The following PDE10A variants were observed in gnomAD, a reference collection of about 807,000 sequenced individuals.
PDE10A encodes the protein phosphodiesterase 10A.
In PDE10A, 39 loss-of-function variants were observed where a neutral mutation model predicts 97.7. That is an observed-to-expected ratio of 0.40 (90% confidence interval 0.31 to 0.52). The LOEUF is 0.52. PDE10A is among the 20% of genes least tolerant of loss of function. PDE10A has a pLI of 0.56. For missense variants in PDE10A, 731 were observed against 1,047.8 expected, an observed-to-expected ratio of 0.70 and a Z score of 4.17; for synonymous variants, 371 against 376.8, an observed-to-expected ratio of 0.98 and a Z score of 0.18.
intron 1 of PDE10A, among the ~76,000 whole-genome samples, chr6:165,607,697 T>C (rs751450864): frequency 4.6e-5 from 7 of 152,220 alleles, no homozygotes; most frequent in Non-Finnish European, 1.0e-4. Flanking sequence ...TAGAGTTTCA[T>C]GTATGTGAAA....
rs149778399 is a variant in PDE10A at position 165,636,825 on chromosome 6, T to G, written c.865+25122A>C. 1.1e-3 allele frequency among the ~76,000 whole-genome samples: 172 copies of G among 152,318 alleles called. 4 individuals carry two copies. In the East Asian group the frequency reaches 0.016, roughly 14 times the overall value. On this transcript the variant is annotated intron_variant, in intron 1 of 21. Transcript: ENST00000539869. Reference sequence around the variant, plus strand: ...CCATCTGCTGTAGAAATGCTCTGCCTAGGTCCAGCCACCCCTCACCTCGGA... The same window carrying G: ...CCATCTGCTGTAGAAATGCTCTGCCGAGGTCCAGCCACCCCTCACCTCGGA...
chr6:165,621,771 A>AGAAGAAGAAG (rs1554297070), intron 1 of PDE10A, among the ~76,000 whole-genome samples: 94 of 134,760 alleles, frequency 7.0e-4, no homozygotes, highest in East Asian at 6.0e-3. Context: ...AAGAAAAAAA[A>AGAAGAAGAAG]AAGAAGAAGA....
chr6:165,332,759 G>T lies in PDE10A; in HGVS notation c.*266C>A, dbSNP rs1251100077. The T allele has an allele frequency of 4.5e-6, 2 of 448,296 alleles. No homozygotes were observed. The highest frequency in any genetic ancestry group is 1.2e-3 in the Middle Eastern group (2 of 1,706). 27.8% of individuals were successfully genotyped at this position (448,296 alleles called of 1,614,324 possible). A position where few individuals can be genotyped will look rare whatever the true frequency, so the allele number is the denominator to read the frequency against. On this transcript the variant is annotated 3_prime_UTR_variant, in exon 22 of 22. Coordinates refer to ENST00000539869, the MANE Select transcript of PDE10A (RefSeq NM_001385079.1). ...CAATATTAGCCTATTAGAAAAGGCT[G>T]GTTTGCAAGTCAAATGGAGTCACTT...
intron 4 of PDE10A, among the ~76,000 whole-genome samples, 190 bp from the exon 5 acceptor site, chr6:165,449,167 T>A (rs1791090173): frequency 2.0e-5 from 3 of 152,316 alleles, no homozygotes; most frequent in Non-Finnish European, 4.4e-5. Flanking sequence ...TCCTCTACAT[T>A]TTTCATCAGT....
At chr6:165,851,878 G>A (rs1020910744) in intron 1 of PDE10A, among the ~76,000 whole-genome samples, 1 of 151,930 alleles carries the variant, frequency 6.6e-6, no homozygotes, top group African/African-American at 2.4e-5. Flanking sequence ...ATTGCTTCAG[G>A]CCAAGAGTTC....
chr6:165,791,406 C>T (rs1013522828), intron 1 of PDE10A, among the ~76,000 whole-genome samples: 3 of 152,074 alleles, frequency 2.0e-5, no homozygotes, highest in African/African-American at 7.2e-5. Context: ...GTAAATATGC[C>T]ACAATTTCTT....
intron 2 of PDE10A, among the ~76,000 whole-genome samples, chr6:165,486,483 T>C (rs1253067987): frequency 6.6e-6 from 1 of 152,198 alleles, no homozygotes; most frequent in African/African-American, 2.4e-5. Context: ...CTGTGCACTG[T>C]GTCATCCATA....
chr6:165,986,037 G>C (rs557793285), intron 1 of PDE10A: 1 of 152,856 alleles, frequency 6.5e-6, no homozygotes, highest in African/African-American at 2.4e-5. Context: ...CCTGCGGAGG[G>C]ATCTCAACTC....
intron 1 of PDE10A, among the ~76,000 whole-genome samples, chr6:165,821,470 T>C (rs12200978): frequency 0.45 from 69,036 of 151,936 alleles, 16,833 homozygotes; most frequent in Middle Eastern, 0.56. Context: ...TATTTAAATG[T>C]AGGAGACAAG....
intron 1 of PDE10A, among the ~76,000 whole-genome samples, chr6:165,636,696 A>G (rs984007354): frequency 3.3e-5 from 5 of 152,222 alleles, no homozygotes; most frequent in African/African-American, 9.7e-5. Context: ...AAAACTGGAT[A>G]GACTGTTTAT....
intron 3 of PDE10A, among the ~76,000 whole-genome samples, chr6:165,452,853 C>A (rs1263342382): frequency 6.6e-6 from 1 of 150,610 alleles, no homozygotes; most frequent in Non-Finnish European, 1.5e-5. Context: ...TGTAAAGAAC[C>A]TAGACTGCAA....
At chr6:165,850,980 G>A (rs1318638640) in intron 1 of PDE10A, among the ~76,000 whole-genome samples, 1 of 152,212 alleles carries the variant, frequency 6.6e-6, no homozygotes, top group Non-Finnish European at 1.5e-5. Flanking sequence ...CGATCAGACA[G>A]TCTTACTGTG....
At chr6:165,509,005 T>C (rs1781359169) in intron 2 of PDE10A, among the ~76,000 whole-genome samples, 1 of 151,986 alleles carries the variant, frequency 6.6e-6, no homozygotes, top group Non-Finnish European at 1.5e-5. Context: ...TTTCTGGGCA[T>C]TTCATATAAA....
In PDE10A at chr6:165,912,302, C is replaced by G. The variant is rs375584940; in HGVS notation, c.-615+75227G>C. On this transcript the variant is annotated intron_variant, in intron 1 of 19. Coordinates refer to the PDE10A transcript ENST00000366882. ...TCAGTTGACCTCACTGGTTATGGTT[C>G]ACATTTGTGAAGGCATCTACTCACA... Among the ~76,000 whole-genome samples the G allele has an allele frequency of 3.9e-5, 6 of 152,092 alleles. No homozygotes were observed. The East Asian group carries it at 1.2e-3, about 29-fold the overall frequency.
At chr6:165,764,453 T>A (rs1418896497) in intron 1 of PDE10A, among the ~76,000 whole-genome samples, 1 of 152,146 alleles carries the variant, frequency 6.6e-6, no homozygotes, top group Admixed American at 6.5e-5. Flanking sequence ...ATTGGTGGGT[T>A]CTTGGTCTCA....
At chr6:165,419,720 A>G (rs2128231135) in intron 10 of PDE10A, among the ~76,000 whole-genome samples, 1 of 152,270 alleles carries the variant, frequency 6.6e-6, no homozygotes, top group Non-Finnish European at 1.5e-5. Context: ...ATTTACCTCT[A>G]TTGAGAATTC....
chr6:165,941,785 A>C (rs558259438), intron 1 of PDE10A, among the ~76,000 whole-genome samples: 1 of 152,218 alleles, frequency 6.6e-6, no homozygotes, highest in South Asian at 2.1e-4. Context: ...GGGTCAATTA[A>C]ACCTCTTTTC....
intron 18 of PDE10A, among the ~76,000 whole-genome samples, chr6:165,352,954 A>C (rs1210274475): frequency 6.6e-6 from 1 of 152,194 alleles, no homozygotes; most frequent in African/African-American, 2.4e-5. Flanking sequence ...CTGATCAAAG[A>C]CTGTTACCAC....
chr6:165,846,768 G>A (rs929580520), intron 1 of PDE10A, among the ~76,000 whole-genome samples: 1 of 152,238 alleles, frequency 6.6e-6, no homozygotes, highest in Admixed American at 6.5e-5. Flanking sequence ...AGAGCCGCAA[G>A]CCCTGTGGGA....
Sources: gnomAD v4.1 joint callset for allele counts (sites outside exome capture counted in the v4.1 genomes callset) on GRCh38, gnomAD v4.1.1 for gene constraint, MANE v1.5 for transcripts, NCBI Gene and HGNC (gene_info 2026-07-23, HGNC 2026-07-21) for gene names.